The following CSTA variants were observed in gnomAD, a reference collection of about 807,000 sequenced individuals.
The protein encoded by CSTA is cystatin-A.
CSTA carries 9 observed loss-of-function variants against 9.2 expected under a neutral mutation model. That is an observed-to-expected ratio of 0.97 (90% CI 0.59 to 1.70). The LOEUF (loss-of-function observed/expected upper bound fraction) is 1.70. Ranked by LOEUF, CSTA falls within the 40% of genes most tolerant of loss-of-function variation. The pLI is 0.00. For missense variants in CSTA, 118 were observed against 113.1 expected, an observed-to-expected ratio of 1.04 and a Z score of -0.20; for synonymous variants, 36 against 40.6, an observed-to-expected ratio of 0.89 and a Z score of 0.43.
rs540239776 is a variant in CSTA at position 122,326,194 on chromosome 3, G to A, written c.66+836G>A. 4.6e-5 allele frequency among the ~76,000 whole-genome samples: 7 copies of A among 151,710 alleles called. No individual in the cohort carries two copies. In the South Asian group the frequency reaches 1.3e-3, roughly 28 times the overall value. ...CCACCACGCCTGGCTGATTTGGGGG[G>A]TTTTGTTTTGTTTTGTTTTTAGAGA... On this transcript the variant is annotated intron_variant, in intron 1 of 2. Transcript: ENST00000264474.
In CSTA at chr3:122,341,439, G is replaced by A. The variant is rs1395144941; in HGVS notation, c.169G>A (p.Val57Ile). 2 of 1,613,682 alleles carry A rather than the reference G, an allele frequency of 1.2e-6. No homozygotes were observed. Among genetic ancestry groups the A allele is most frequent in the Non-Finnish European group, 1.7e-6 (2 of 1,179,844 alleles). Reference protein sequence around the residue: ...VVAGTNYYIKVRAGDNKYMHL... With the variant: ...VVAGTNYYIKIRAGDNKYMHL... ...TTTCTCTTTCTTTAATATTTTTCAG[G>A]TACGAGCAGGTGATAATAAATATAT... The change falls in exon 3 of 3, where the codon GTA becomes ATA. Residue 57 changes from valine (V) to isoleucine (I), a missense_variant and splice_region_variant. Coordinates refer to ENST00000264474, the MANE Select transcript of CSTA (RefSeq NM_005213.4).
At chr3:122,331,102 CAA>C (rs1182425149) in intron 1 of CSTA, among the ~76,000 whole-genome samples, 1 of 118,258 alleles carries the variant, frequency 8.5e-6, no homozygotes, top group Non-Finnish European at 1.8e-5. Flanking sequence ...ATGCACACAA[CAA>C]ACACACACAC....
chr3:122,332,492 A>G (rs1480593311), intron 1 of CSTA, among the ~76,000 whole-genome samples: 3 of 152,142 alleles, frequency 2.0e-5, no homozygotes, highest in African/African-American at 4.8e-5. Context: ...TCTATTTTCT[A>G]TTAAATTAGG....
rs766889243 is a variant in CSTA at position 122,337,667 on chromosome 3, C to A, written c.168+19C>A. The A allele has an allele frequency of 1.4e-6, 2 of 1,395,300 alleles. No individual in the cohort carries two copies. Among genetic ancestry groups the A allele is most frequent in the Non-Finnish European group, 2.0e-6 (2 of 979,820 alleles). 86.4% of individuals were successfully genotyped at this position (1,395,300 alleles called of 1,614,324 possible). A position where few individuals can be genotyped will look rare whatever the true frequency, so the allele number is the denominator to read the frequency against. ...CATTAAGGTTAGAGTTCAGCACCTACTTTAGCGCCAAAAGATGTATTTCTC... is the reference window on the plus strand; with the variant it reads ...CATTAAGGTTAGAGTTCAGCACCTAATTTAGCGCCAAAAGATGTATTTCTC... On this transcript the variant is annotated intron_variant, in intron 2 of 2. Transcript: ENST00000264474.
intron 1 of CSTA, among the ~76,000 whole-genome samples, chr3:122,326,851 C>T (rs570508893): frequency 2.6e-4 from 40 of 152,322 alleles, no homozygotes; most frequent in African/African-American, 8.7e-4. Flanking sequence ...ACCAGACTCC[C>T]AAGTGCTGCT....
At chr3:122,329,395 T>A (rs756613261) in intron 1 of CSTA, among the ~76,000 whole-genome samples, 8 of 152,008 alleles carry the variant, frequency 5.3e-5, no homozygotes, top group Non-Finnish European at 1.0e-4. Flanking sequence ...CAAAACCCTG[T>A]CTCTACCCCC....
intron 1 of CSTA, among the ~76,000 whole-genome samples, chr3:122,333,712 GA>G (rs765131114): frequency 2.4e-5 from 3 of 126,836 alleles, no homozygotes; most frequent in Non-Finnish European, 5.1e-5. Flanking sequence ...GAAAGAAAAA[GA>G]AAGAAAGAGA....
chr3:122,333,734 G>GAAAGAAAGAGAAAGAAAGAGAAAGAA (rs1491184000), intron 1 of CSTA, among the ~76,000 whole-genome samples: 45 of 144,580 alleles, frequency 3.1e-4, no homozygotes, highest in African/African-American at 1.1e-3. Flanking sequence ...AAGAAAGAAA[G>GAAAGAAAGAGAAAGAAAGAGAAAGAA]AGAAAGAAAG....
chr3:122,327,660 A>C (rs1439998855), intron 1 of CSTA, among the ~76,000 whole-genome samples: 1 of 152,176 alleles, frequency 6.6e-6, no homozygotes, highest in East Asian at 1.9e-4. Flanking sequence ...AATGTGCATA[A>C]AAATGACTTG....
rs553526616 is a variant in CSTA, at chr3:122,335,683, G to A, written c.67-1864G>A. 3.3e-5 allele frequency among the ~76,000 whole-genome samples: 5 copies of A among 152,080 alleles called. No homozygotes were observed. The East Asian group carries it at 9.6e-4, about 29-fold the overall frequency. On this transcript the variant is annotated intron_variant, in intron 1 of 2. Coordinates refer to ENST00000264474, the MANE Select transcript of CSTA (RefSeq NM_005213.4). ...TTTCACTCTTGTTGCCCAGGCTGGA[G>A]TGCAATGGTGTGATCTCGGCTCACT...
intron 1 of CSTA, among the ~76,000 whole-genome samples, chr3:122,336,663 C>A (rs2075238742): frequency 6.6e-6 from 1 of 152,146 alleles, no homozygotes; most frequent in Non-Finnish European, 1.5e-5. Flanking sequence ...AGAAACAAGA[C>A]TCCTCACAAG....
intron 1 of CSTA, 76 bp from the exon 2 acceptor site, chr3:122,337,471 G>A: frequency 1.0e-6 from 1 of 952,460 alleles, no homozygotes; most frequent in Non-Finnish European, 1.7e-6. Flanking sequence ...GGAGGATGAG[G>A]TTCCCAGATG....
chr3:122,327,389 C>T (rs112527366), intron 1 of CSTA, among the ~76,000 whole-genome samples: 18,998 of 151,714 alleles, frequency 0.13, 1,445 homozygotes, highest in Middle Eastern at 0.27. Context: ...ATCAGCTTGG[C>T]GTGGTGGCGG....
intron 1 of CSTA, among the ~76,000 whole-genome samples, chr3:122,327,151 T>G (rs2075175432): frequency 2.0e-5 from 3 of 151,728 alleles, no homozygotes; most frequent in African/African-American, 7.3e-5. Flanking sequence ...GGCAGGAGAA[T>G]TACTTGAGCC....
chr3:122,331,310 C>T (rs1433584248), intron 1 of CSTA, among the ~76,000 whole-genome samples: 1 of 152,132 alleles, frequency 6.6e-6, no homozygotes, highest in Non-Finnish European at 1.5e-5. Context: ...AATTTGCATT[C>T]CCCTCTCTGA....
chr3:122,325,403 T>C, intron 1 of CSTA, 45 bp downstream of exon 1: 3 of 1,570,914 alleles, frequency 1.9e-6, no homozygotes, highest in Non-Finnish European at 2.6e-6. Flanking sequence ...AAAATCTTGA[T>C]TCATAAGTTG....
intron 1 of CSTA, among the ~76,000 whole-genome samples, chr3:122,326,633 A>G (rs1043394312): frequency 6.6e-6 from 1 of 152,124 alleles, no homozygotes; most frequent in African/African-American, 2.4e-5. Flanking sequence ...GGGACTAATT[A>G]TTTCTCTTTC....
At chr3:122,329,459 G>T (rs1426203847) in intron 1 of CSTA, among the ~76,000 whole-genome samples, 2 of 152,104 alleles carry the variant, frequency 1.3e-5, no homozygotes, top group Non-Finnish European at 2.9e-5. Flanking sequence ...CCAGCTACTT[G>T]GGAGGCTTAG....
At chr3:122,330,574 A>G (rs1354352940) in intron 1 of CSTA, among the ~76,000 whole-genome samples, 1 of 152,252 alleles carries the variant, frequency 6.6e-6, no homozygotes, top group East Asian at 1.9e-4. Context: ...CATTCTGAAG[A>G]TAACAGAGAC....
Sources: gnomAD v4.1 joint callset for allele counts (sites outside exome capture counted in the v4.1 genomes callset) on GRCh38, gnomAD v4.1.1 for gene constraint, MANE v1.5 for transcripts, NCBI Gene and HGNC (gene_info 2026-07-23, HGNC 2026-07-21) for gene names.